The following EPG5 variants were observed in gnomAD, a reference collection of about 807,000 sequenced individuals.
EPG5 encodes the protein ectopic P granules protein 5 homolog.
In EPG5, 159 loss-of-function variants were observed where a neutral mutation model predicts 302.7. That is an observed-to-expected ratio of 0.53 (90% CI 0.46 to 0.60). The LOEUF (loss-of-function observed/expected upper bound fraction) is 0.60, where lower values mean the gene tolerates loss of function less well. Ranked by LOEUF, EPG5 falls within the 20% of genes least tolerant of loss-of-function variation. EPG5 has a pLI of 0.00. For synonymous variants in EPG5, 1,158 were observed against 1,136.8 expected (o/e 1.02, Z -0.37); for missense variants, 2,896 against 3,092.4 (o/e 0.94, Z 1.51).
intron 42 of EPG5, 53 bp downstream of exon 42, chr18:45,857,800 A>T: frequency 2.1e-6 from 3 of 1,452,412 alleles, no homozygotes; most frequent in Non-Finnish European, 2.9e-6. Context: ...GTAAGTAGGT[A>T]CAGATGTCTG....
chr18:45,886,959 G>A (rs2049231452), intron 29 of EPG5, among the ~76,000 whole-genome samples: 1 of 151,944 alleles, frequency 6.6e-6, no homozygotes, highest in Non-Finnish European at 1.5e-5. Context: ...CACCGGACCA[G>A]CACACATTAA....
chr18:45,916,661 C>T (rs1417656865), intron 17 of EPG5, 79 bp from the exon 18 acceptor site: 2 of 1,411,378 alleles, frequency 1.4e-6, no homozygotes, highest in Non-Finnish European at 1.9e-6. Flanking sequence ...TATGAGGAAA[C>T]AGAAAATTCC....
the EPG5 span, among the ~76,000 whole-genome samples, chr18:45,823,442 A>G: frequency 6.6e-6 from 1 of 152,166 alleles, no homozygotes; most frequent in Non-Finnish European, 1.5e-5. Flanking sequence ...CTCTCTCACC[A>G]GTTCAATGAC....
At chr18:45,803,790 T>C in the EPG5 span, among the ~76,000 whole-genome samples, 7 of 152,294 alleles carry the variant, frequency 4.6e-5, no homozygotes, top group African/African-American at 9.6e-5. Flanking sequence ...GTTTGAACCA[T>C]AACAAGTTAA....
Position 45,912,426 on chromosome 18 carries a change from C to G in EPG5, c.3847G>C (p.Val1283Leu), listed in dbSNP as rs377030279. 1.2e-6 allele frequency: 2 copies of G among 1,603,132 alleles called. No homozygotes were observed. Among genetic ancestry groups the G allele is most frequent in the Non-Finnish European group, 1.7e-6 (2 of 1,176,584 alleles). The change falls in exon 22 of 44, where the codon GTG becomes CTG. Residue 1283 changes from valine to leucine, a missense_variant. By Grantham distance (32) the Val-to-Leu change is conservative. Around this residue, in one of 5 missense-constraint regions of EPG5, gnomAD observed 64 missense variants for 101.8 expected, o/e 0.63. Transcript: ENST00000282041. Reference sequence around the variant, plus strand: ...ATCAGCAGCCTCTGGAGGGATGGCACGATGGGGAGCTTCAGCTGGGTCTGG... The same window carrying G: ...ATCAGCAGCCTCTGGAGGGATGGCAGGATGGGGAGCTTCAGCTGGGTCTGG... ...KAQTQLKLPIVPSLQRLLIYR... is the reference protein window; with the variant it reads ...KAQTQLKLPILPSLQRLLIYR...
the EPG5 span, among the ~76,000 whole-genome samples, chr18:45,802,279 G>A: frequency 6.6e-6 from 1 of 152,170 alleles, no homozygotes; most frequent in African/African-American, 2.4e-5. Context: ...CTAGCACTTT[G>A]GGAGGCCGAG....
rs371292227 is a variant in EPG5, at chr18:45,929,021, G to C, written c.2413-12C>G. 6.2e-7 allele frequency: 1 copy of C among 1,610,402 alleles called. No homozygotes were observed. The highest frequency in any genetic ancestry group is 1.7e-5 in the Admixed American group (1 of 59,374). On this transcript the variant is annotated splice_polypyrimidine_tract_variant and intron_variant, in intron 12 of 43. Transcript: ENST00000282041. ...GTGACATAAGATACCTAAATGGGGG[G>C]AAGGGGGAAGAAGATGGCACTTTTA...
At chr18:45,919,682 T>C (rs888361522) in intron 16 of EPG5, among the ~76,000 whole-genome samples, 2 of 151,994 alleles carry the variant, frequency 1.3e-5, no homozygotes, top group African/African-American at 4.8e-5. Context: ...CCGGCTAATT[T>C]TTTGTATTTT....
chr18:45,816,006 C>G, the EPG5 span, among the ~76,000 whole-genome samples: 1 of 152,158 alleles, frequency 6.6e-6, no homozygotes, highest in African/African-American at 2.4e-5. Context: ...GCCACCTGAT[C>G]CCTGACAAAG....
the EPG5 span, among the ~76,000 whole-genome samples, chr18:45,827,683 C>T: frequency 6.6e-6 from 1 of 152,202 alleles, no homozygotes; most frequent in African/African-American, 2.4e-5. Flanking sequence ...CATCAAAGGC[C>T]CCCAGCACAG....
rs1036152496 is a variant in EPG5, at chr18:45,949,203, G to A, written c.1497+281C>T. 8.5e-5 allele frequency among the ~76,000 whole-genome samples: 13 copies of A among 152,062 alleles called. 1 individual carries two copies. Among genetic ancestry groups the A allele is most frequent in the Admixed American group, 7.9e-4 (12 of 15,256 alleles). ...TGAGTACCACGGGAAAAAAGTCCTGGTGAGCCTTTCTACACAGGAATTGTG... is the reference window on the plus strand; with the variant it reads ...TGAGTACCACGGGAAAAAAGTCCTGATGAGCCTTTCTACACAGGAATTGTG... On this transcript the variant is annotated intron_variant, in intron 5 of 43. Transcript: ENST00000282041.
chr18:45,912,579 A>T, intron 21 of EPG5, 123 bp from the exon 22 acceptor site: 2 of 1,054,000 alleles, frequency 1.9e-6, no homozygotes, highest in African/African-American at 3.3e-5. Flanking sequence ...TATATTTTTT[A>T]AAAGTCACAT....
At position 45,848,755 on chromosome 18, in the gene EPG5, A is replaced by G. The variant is rs1172984093; in HGVS notation, c.*3712T>C. On this transcript the variant is annotated 3_prime_UTR_variant, in exon 44 of 44. Coordinates refer to ENST00000282041, the MANE Select transcript of EPG5 (RefSeq NM_020964.3). ...GGACACTTTCCCCAAACCGTAGCCC[A>G]GTTAGACATGATGGTGGAAAAGGTC... 6.6e-6 allele frequency: 1 copy of G among 152,298 alleles called. No individual in the cohort carries two copies. Among genetic ancestry groups the G allele is most frequent in the African/African-American group, 2.4e-5 (1 of 41,468 alleles). 9.4% of individuals were successfully genotyped at this position (152,298 alleles called of 1,614,324 possible). A position where few individuals can be genotyped will look rare whatever the true frequency, so the allele number is the denominator to read the frequency against.
intron 42 of EPG5, 83 bp downstream of exon 42, chr18:45,857,770 A>G: frequency 9.2e-7 from 1 of 1,081,586 alleles, no homozygotes; most frequent in Non-Finnish European, 1.4e-6. Flanking sequence ...CGAAAAACCT[A>G]CTGAAGTATA....
At chr18:45,855,392 TA>T (rs2048493702) in intron 43 of EPG5, 180 bp downstream of exon 43, 6 of 543,656 alleles carry the variant, frequency 1.1e-5, no homozygotes, top group South Asian at 5.2e-5. Context: ...GACAACTGCC[TA>T]CAAAAATTTG....
At chr18:45,837,831 T>C in the EPG5 span, 3 of 1,536,214 alleles carry the variant, frequency 2.0e-6, no homozygotes, top group South Asian at 1.2e-5. Flanking sequence ...TTCTGCCGCG[T>C]CGAGTTCGCC....
chr18:45,900,093 A>G (rs2049574177), intron 26 of EPG5, among the ~76,000 whole-genome samples: 1 of 152,178 alleles, frequency 6.6e-6, no homozygotes, highest in Admixed American at 6.5e-5. Flanking sequence ...CAGACAAGGA[A>G]AAAAATACTG....
At chr18:45,868,804 C>T (rs915555154) in intron 36 of EPG5, among the ~76,000 whole-genome samples, 1 of 151,380 alleles carries the variant, frequency 6.6e-6, no homozygotes, top group Non-Finnish European at 1.5e-5. Flanking sequence ...ACCTGTAATC[C>T]CAGCACTTTG....
intron 1 of EPG5, among the ~76,000 whole-genome samples, chr18:45,959,265 C>T (rs1599658119): frequency 6.6e-6 from 1 of 151,724 alleles, no homozygotes; most frequent in East Asian, 2.0e-4. Context: ...TGCTTGAACC[C>T]GGGAGGCGGA....
Sources: allele counts gnomAD v4.1 joint callset (sites outside exome capture counted in the v4.1 genomes callset), GRCh38; gene constraint gnomAD v4.1.1; regional missense constraint gnomAD v4.1.1; transcripts MANE v1.5; gene names NCBI Gene and HGNC (gene_info 2026-07-23, HGNC 2026-07-21).